KIF22: variants seen among roughly 807,000 people sequenced by gnomAD.
The protein encoded by KIF22 is kinesin family member 22, also known as kinesin-like protein KIF22.
Under a neutral mutation model 73.0 loss-of-function variants are expected in KIF22, and 62 were observed. The ratio of observed to expected loss-of-function variants is 0.85; its 90% confidence interval spans 0.69 to 1.05. KIF22 has a LOEUF of 1.05. Among genes scored for constraint, KIF22 ranks in the 50% least tolerant of loss-of-function variants. The probability of loss-of-function intolerance (pLI) is 0.00; values close to 1 mark genes in which losing one functional copy is unlikely to be tolerated. For synonymous variants in KIF22, 411 were observed against 340.1 expected, an observed-to-expected ratio of 1.21 and a Z score of -2.29; for missense variants, 854 against 870.1, an observed-to-expected ratio of 0.98 and a Z score of 0.23.
At chr16:29,792,841 C>T (rs1008026499) in intron 1 of KIF22, among the ~76,000 whole-genome samples, 3 of 152,090 alleles carry the variant, frequency 2.0e-5, no homozygotes, top group African/African-American at 4.8e-5. Context: ...TGGTAACTTA[C>T]ACTGCAAGGA....
chr16:29,794,958 T>C (rs1245246035), intron 1 of KIF22, among the ~76,000 whole-genome samples: 1 of 152,220 alleles, frequency 6.6e-6, no homozygotes, highest in Non-Finnish European at 1.5e-5. Flanking sequence ...AGCTAATAAA[T>C]GTCAGAGCTG....
chr16:29,796,792 T>G, intron 1 of KIF22, 101 bp from the exon 2 acceptor site: 1 of 1,109,716 alleles, frequency 9.0e-7, no homozygotes, highest in Non-Finnish European at 1.3e-6. Flanking sequence ...AATGAGCTTC[T>G]CCAACATGAG....
In KIF22 at chr16:29,803,529, A is replaced by C. The variant is rs1163262667; in HGVS notation, c.1530A>C (p.Thr510=). 1 of 1,614,022 alleles carries C rather than the reference A, an allele frequency of 6.2e-7. No homozygotes were observed. The highest frequency in any genetic ancestry group is 1.3e-5 in the African/African-American group (1 of 74,944). The change falls in exon 10 of 14, where the codon ACA becomes ACC. Residue 510 remains threonine, a synonymous_variant. Coordinates refer to ENST00000160827, the MANE Select transcript of KIF22 (RefSeq NM_007317.3). ...AGGAAAAGGAGAACCATTGTCCCAC[A>C]ATGCTCCGGCCCCTTTCACATCGCA... ...KAEEKENHCP[T]MLRPLSHRTV... is the part of the protein sequence containing the mutation.
chr16:29,804,978 G>A lies in KIF22; in HGVS notation c.1842G>A (p.Lys614=), dbSNP rs771420925. The part of the protein sequence containing the change: ...LRSLQRIGPK[K]AQLIVGWREL... ...GTCTTCAGCGCATTGGCCCGAAGAAGGCCCAGCTAATCGTGGGCTGGCGGG... is the reference window on the plus strand; with the variant it reads ...GTCTTCAGCGCATTGGCCCGAAGAAAGCCCAGCTAATCGTGGGCTGGCGGG... The change falls in exon 12 of 14, where the codon AAG becomes AAA. Residue 614 remains lysine, a synonymous_variant. Transcript: ENST00000160827. The A allele has an allele frequency of 1.9e-6, 3 of 1,611,740 alleles. No individual in the cohort carries two copies. The highest frequency in any genetic ancestry group is 1.1e-5 in the South Asian group (1 of 90,950).
At position 29,798,318 on chromosome 16, in the gene KIF22, AC is replaced by A; in HGVS notation, c.267-55del. The A allele has an allele frequency of 6.5e-6, 1 of 154,988 alleles. No homozygotes were observed. The highest frequency in any genetic ancestry group is 1.0e-5 in the Non-Finnish European group (1 of 96,032). 9.6% of individuals were successfully genotyped at this position (154,988 alleles called of 1,614,324 possible). ...CCCCACCCCACTCCACCCCTTACAC[AC>A]ACACACACACACACACACACACACA... On this transcript the variant is annotated intron_variant, in intron 2 of 13. Coordinates refer to ENST00000160827, the MANE Select transcript of KIF22 (RefSeq NM_007317.3). This position sits in a 1 kb window ranked among gnomAD's most constrained non-coding sequence, Gnocchi z 4.1.
chr16:29,791,066 G>T, intron 1 of KIF22: 1 of 1,397,144 alleles, frequency 7.2e-7, no homozygotes, highest in Non-Finnish European at 9.3e-7. Context: ...TCCGGTCCAG[G>T]CTCTTGGCTT....
chr16:29,800,422 C>T (rs1449103000), intron 8 of KIF22, among the ~76,000 whole-genome samples: 1 of 151,936 alleles, frequency 6.6e-6, no homozygotes, highest in Non-Finnish European at 1.5e-5. Flanking sequence ...GTGGCCATTG[C>T]ACTCCAGCCT....
chr16:29,804,678 G>A (rs1193203694), intron 11 of KIF22, 136 bp from the exon 12 acceptor site: 2 of 732,292 alleles, frequency 2.7e-6, no homozygotes, highest in African/African-American at 1.7e-5. Flanking sequence ...ACCTGAGGGC[G>A]GGATTTTGGA....
intron 12 of KIF22, 23 bp from the exon 13 acceptor site, chr16:29,805,092 C>T (rs764177995): frequency 1.9e-6 from 3 of 1,613,378 alleles, no homozygotes; most frequent in African/African-American, 2.7e-5. Flanking sequence ...AGACCCTGTC[C>T]CCTATCGATC....
intron 1 of KIF22, among the ~76,000 whole-genome samples, chr16:29,795,965 C>A (rs911422114): frequency 6.6e-6 from 1 of 151,876 alleles, no homozygotes; most frequent in African/African-American, 2.4e-5. Flanking sequence ...ATATTAGAAA[C>A]CCCAGTTAAG....
At chr16:29,805,091 C>G (rs760702837) in intron 12 of KIF22, 24 bp from the exon 13 acceptor site, 2 of 1,613,486 alleles carry the variant, frequency 1.2e-6, no homozygotes, top group Non-Finnish European at 1.7e-6. Context: ...GAGACCCTGT[C>G]CCCTATCGAT....
rs1425159415 is a variant in KIF22, at chr16:29,796,918, G to A, written c.96G>A (p.Lys32=). The A allele has an allele frequency of 6.2e-7, 1 of 1,614,162 alleles. No individual in the cohort carries two copies. Among genetic ancestry groups the A allele is most frequent in the South Asian group, 1.1e-5 (1 of 91,088 alleles). Residue 32 remains lysine (K), a synonymous_variant, in exon 2 of 14, where the codon AAG becomes AAA. Transcript: ENST00000160827. The part of the protein sequence containing the change: ...ISGAGRCRLS[K]IGATRRPPPA... The stretch of plus-strand genomic sequence containing the variant: ...GAGCTGGTCGCTGTCGGCTAAGCAA[G>A]ATTGGAGCTACTCGTCGTCCACCTC...
chr16:29,805,365 A>C lies in KIF22; in HGVS notation c.*55A>C. 6.4e-7 allele frequency: 1 copy of C among 1,574,226 alleles called. No individual in the cohort carries two copies. The highest frequency in any genetic ancestry group is 1.1e-5 in the South Asian group (1 of 90,462). On this transcript the variant is annotated 3_prime_UTR_variant, in exon 14 of 14. Coordinates refer to ENST00000160827, the MANE Select transcript of KIF22 (RefSeq NM_007317.3). Reference sequence around the variant, plus strand: ...TTTTTGTATAACCCCGTGTTGTGTAAATACAGTTTTTGCTCCGGTGCTTCC... The same window carrying C: ...TTTTTGTATAACCCCGTGTTGTGTACATACAGTTTTTGCTCCGGTGCTTCC...
In KIF22 at chr16:29,802,736, G is replaced by C. The variant is rs755608574; in HGVS notation, c.1281-33G>C. On this transcript the variant is annotated intron_variant, in intron 8 of 13. Transcript: ENST00000160827. ...TGCTGTAGGTGGTGATGAGGGAGGA[G>C]GTAGGTGGGGAGCAACTTCTTTTTC... 2.6e-6 allele frequency: 4 copies of C among 1,524,662 alleles called. No individual in the cohort carries two copies. The African/African-American group carries it at 4.2e-5, about 16-fold the overall frequency. 94.4% of individuals were successfully genotyped at this position (1,524,662 alleles called of 1,614,324 possible). A position where few individuals can be genotyped will look rare whatever the true frequency, so the allele number is the denominator to read the frequency against.
rs1196297028 is a variant in KIF22 at position 29,798,325 on chromosome 16, C to A, written c.267-49C>A. On this transcript the variant is annotated intron_variant, in intron 2 of 13. Transcript: ENST00000160827. The surrounding 1 kb of genome is among the most constrained non-coding windows in gnomAD (Gnocchi z 4.1). ...CCACTCCACCCCTTACACACACACA[C>A]ACACACACACACACACACACACGCT... 1 of 1,524,192 alleles carries A rather than the reference C, an allele frequency of 6.6e-7. No individual in the cohort carries two copies. The highest frequency in any genetic ancestry group is 1.5e-5 in the African/African-American group (1 of 66,942). 94.4% of individuals were successfully genotyped at this position (1,524,192 alleles called of 1,614,324 possible). A position where few individuals can be genotyped will look rare whatever the true frequency, so the allele number is the denominator to read the frequency against.
chr16:29,805,319 T>C lies in KIF22; in HGVS notation c.*9T>C, dbSNP rs1364862914. ...GCTGTGGCGCCTCCTGACCGTCGTC[T>C]CCTCACTCCGCCTTTTCAAATTTTT... On this transcript the variant is annotated 3_prime_UTR_variant, in exon 14 of 14. Coordinates refer to ENST00000160827, the MANE Select transcript of KIF22 (RefSeq NM_007317.3). 6.2e-7 allele frequency: 1 copy of C among 1,612,488 alleles called. No homozygotes were observed. The highest frequency in any genetic ancestry group is 1.7e-5 in the Admixed American group (1 of 60,006).
At position 29,799,329 on chromosome 16, in the gene KIF22, G is replaced by C; in HGVS notation, c.825G>C (p.Leu275Phe). 6.2e-7 allele frequency: 1 copy of C among 1,614,236 alleles called. No individual in the cohort carries two copies. Among genetic ancestry groups the C allele is most frequent in the Non-Finnish European group, 8.5e-7 (1 of 1,180,038 alleles). Reference sequence around the variant, plus strand: ...AGGGAAAACTCTACCTGATTGACTTGGCTGGGTCAGAGGACAACCGGCGCA... The same window carrying C: ...AGGGAAAACTCTACCTGATTGACTTCGCTGGGTCAGAGGACAACCGGCGCA... The part of the protein sequence containing the change: ...QREGKLYLID[L>F]AGSEDNRRTG... The change falls in exon 6 of 14, where the codon TTG (leucine) becomes TTC (phenylalanine). Residue 275 changes from leucine to phenylalanine, a missense_variant. Physicochemically the swap from Leu to Phe is conservative, Grantham distance 22. This residue lies in a region of KIF22 where 245 missense variants were observed against 351.8 expected (regional missense o/e 0.70). Transcript: ENST00000160827.
In KIF22 at chr16:29,805,339, A is replaced by G; in HGVS notation, c.*29A>G. On this transcript the variant is annotated 3_prime_UTR_variant, in exon 14 of 14. Coordinates refer to ENST00000160827, the MANE Select transcript of KIF22 (RefSeq NM_007317.3). The stretch of plus-strand genomic sequence containing the variant: ...TCGTCTCCTCACTCCGCCTTTTCAA[A>G]TTTTTGTATAACCCCGTGTTGTGTA... 2 of 1,606,464 alleles carry G rather than the reference A, an allele frequency of 1.2e-6. No homozygotes were observed. The highest frequency in any genetic ancestry group is 1.7e-6 in the Non-Finnish European group (2 of 1,177,142).
At chr16:29,790,883 AG>A in intron 1 of KIF22, 54 bp downstream of exon 1, 17 of 1,561,194 alleles carry the variant, frequency 1.1e-5, no homozygotes, top group Non-Finnish European at 1.5e-5. Flanking sequence ...GTTTAGTGGG[AG>A]TTATGTGTCG....
Sources: allele counts gnomAD v4.1 joint callset (sites outside exome capture counted in the v4.1 genomes callset), GRCh38; gene constraint gnomAD v4.1.1; regional missense constraint gnomAD v4.1.1; non-coding constraint Gnocchi (gnomAD v3.1); transcripts MANE v1.5; gene names NCBI Gene and HGNC (gene_info 2026-07-23, HGNC 2026-07-21).